Variants in SMAD2 observed in about 807,000 individuals in gnomAD.
The protein encoded by SMAD2 is SMAD family member 2.
In SMAD2, 8 loss-of-function variants were observed where a neutral mutation model predicts 64.4. The observed-to-expected ratio is 0.12, with a 90% CI of 0.07 to 0.22. SMAD2 has a LOEUF of 0.22. SMAD2 is among the 10% of genes least tolerant of loss of function. The probability of loss-of-function intolerance (pLI) is 1.00; values close to 1 mark genes in which losing one functional copy is unlikely to be tolerated. For synonymous variants in SMAD2, 203 were observed against 195.8 expected (o/e 1.04, Z -0.31); for missense variants, 289 against 561.2 (o/e 0.51, Z 4.90).
chr18:47,927,972 G>A (rs1172711197), intron 1 of SMAD2, among the ~76,000 whole-genome samples: 1 of 152,068 alleles, frequency 6.6e-6, no homozygotes, highest in Non-Finnish European at 1.5e-5. Flanking sequence ...AATTCCTTAC[G>A]TTTCACATTT....
intron 1 of SMAD2, among the ~76,000 whole-genome samples, chr18:47,915,145 A>G (rs1200285465): frequency 2.6e-5 from 4 of 152,184 alleles, no homozygotes; most frequent in African/African-American, 7.2e-5. Flanking sequence ...TTGATCAGAC[A>G]TAAGAAATAA....
intron 9 of SMAD2, 31 bp downstream of exon 9, chr18:47,845,632 G>A (rs376176922): frequency 6.2e-7 from 1 of 1,611,864 alleles, no homozygotes; most frequent in Non-Finnish European, 8.5e-7. Flanking sequence ...AAGTTGACAT[G>A]ATAGGTTTAT....
At chr18:47,918,729 C>T (rs533850389) in intron 1 of SMAD2, among the ~76,000 whole-genome samples, 1 of 102,232 alleles carries the variant, frequency 9.8e-6, no homozygotes, top group East Asian at 5.8e-4. Context: ...CTTAACAGCT[C>T]TTGCATAGCT....
intron 2 of SMAD2, among the ~76,000 whole-genome samples, chr18:47,894,582 C>A (rs569784169): frequency 4.1e-4 from 63 of 152,340 alleles, no homozygotes; most frequent in African/African-American, 1.5e-3. Flanking sequence ...ATGAAACAGG[C>A]TTCTCCTAAT....
In SMAD2 at chr18:47,820,915, AC is replaced by A. The variant is rs1369963850; in HGVS notation, c.*20911del. 4.3e-5 allele frequency: 2 copies of A among 46,412 alleles called. No individual in the cohort carries two copies. The highest frequency in any genetic ancestry group is 1.1e-4 in the African/African-American group (2 of 18,402). 2.9% of individuals were successfully genotyped at this position (46,412 alleles called of 1,614,324 possible). On this transcript the variant is annotated 3_prime_UTR_variant, in exon 11 of 11. Coordinates refer to ENST00000262160, the MANE Select transcript of SMAD2 (RefSeq NM_005901.6). ...GCACTATACACACACACACACACACACACACACACACACACACACACACACA... is the reference window on the plus strand; with the variant it reads ...GCACTATACACACACACACACACACAACACACACACACACACACACACACA...
In SMAD2 at chr18:47,907,126, T is replaced by C. The variant is rs570505945; in HGVS notation, c.-53-10317A>G. Among the ~76,000 whole-genome samples the C allele has an allele frequency of 8.3e-3, 1,271 of 152,238 alleles. 6 individuals are homozygous for C. The highest frequency in any genetic ancestry group is 0.012 in the Non-Finnish European group (818 of 68,012). ...AAGTATAAAATGGTATATAGCACAA[T>C]TGGAAAACCGGCAAGTTCCAAAAAG... On this transcript the variant is annotated intron_variant, in intron 1 of 10. Coordinates refer to ENST00000262160, the MANE Select transcript of SMAD2 (RefSeq NM_005901.6).
intron 2 of SMAD2, among the ~76,000 whole-genome samples, chr18:47,886,570 C>CATCTATCCATCT (rs1555655793): frequency 5.4e-4 from 79 of 146,802 alleles, no homozygotes; most frequent in African/African-American, 1.9e-3. Context: ...TATATCTATC[C>CATCTATCCATCT]ATCTATCTAT....
rs2144372568 is a variant in SMAD2 at position 47,868,322 on chromosome 18, C to G, written c.655+1G>C. 2 of 1,612,612 alleles carry G rather than the reference C, an allele frequency of 1.2e-6. No homozygotes were observed. Among genetic ancestry groups the G allele is most frequent in the Non-Finnish European group, 1.7e-6 (2 of 1,179,076 alleles). On this transcript the variant is annotated splice_donor_variant, in intron 5 of 10. Transcript: ENST00000262160. LOFTEE classifies it high-confidence loss of function. ...TTAGGAGATTCAGAAGGCAAAAATA[C>G]CTGGAATATAATTACTCTGTGGCTC...
rs1030689657 is a variant in SMAD2 at position 47,881,802 on chromosome 18, CA to C, written c.237-11239del. 5.0e-4 allele frequency among the ~76,000 whole-genome samples: 76 copies of C among 152,250 alleles called. 1 individual carries two copies. Among genetic ancestry groups the C allele is most frequent in the Middle Eastern group, 3.4e-3 (1 of 294 alleles). On this transcript the variant is annotated intron_variant, in intron 2 of 10. Coordinates refer to ENST00000262160, the MANE Select transcript of SMAD2 (RefSeq NM_005901.6). ...ATCATGAATGGATGATGAATTTTGT[CA>C]AATGCTTTTGACCAAGTGAGGTGAT...
rs531002987 is a variant in SMAD2, at chr18:47,831,237, C to T, written c.*10590G>A. On this transcript the variant is annotated 3_prime_UTR_variant, in exon 11 of 11. Coordinates refer to ENST00000262160, the MANE Select transcript of SMAD2 (RefSeq NM_005901.6). ...TTTCTGCTCACCATATAAGCAGTAG[C>T]TCAATAACACCGTCCAGTTTTCATG... 6.6e-6 allele frequency: 1 copy of T among 152,340 alleles called. No homozygotes were observed. The highest frequency in any genetic ancestry group is 2.1e-4 in the South Asian group (1 of 4,828). 9.4% of individuals were successfully genotyped at this position (152,340 alleles called of 1,614,324 possible).
intron 5 of SMAD2, among the ~76,000 whole-genome samples, chr18:47,865,526 T>C (rs2031492943): frequency 6.6e-6 from 1 of 152,208 alleles, no homozygotes; most frequent in African/African-American, 2.4e-5. Flanking sequence ...CGTTATTTTA[T>C]GAGTACTTAG....
At chr18:47,868,609 C>G in intron 4 of SMAD2, 152 bp from the exon 5 acceptor site, 1 of 648,420 alleles carries the variant, frequency 1.5e-6, no homozygotes, top group Admixed American at 2.5e-5. Flanking sequence ...GAGAAAATGA[C>G]AAATCTGATT....
intron 3 of SMAD2, among the ~76,000 whole-genome samples, chr18:47,869,859 C>T (rs1173441141): frequency 6.6e-6 from 1 of 151,940 alleles, no homozygotes; most frequent in African/African-American, 2.4e-5. Context: ...TGATAAATAC[C>T]AACAATGATG....
chr18:47,850,642 T>TAA (rs1915344954), intron 7 of SMAD2, among the ~76,000 whole-genome samples: 2 of 50,384 alleles, frequency 4.0e-5, no homozygotes, highest in African/African-American at 1.9e-4. Context: ...ATTATATATA[T>TAA]TATGTATAAT....
chr18:47,922,502 G>C (rs1395574601), intron 1 of SMAD2: 1 of 152,180 alleles, frequency 6.6e-6, no homozygotes, highest in African/African-American at 2.4e-5. Context: ...ATCTAGAGAG[G>C]ATTTAAAGAA....
chr18:47,847,505 T>C (rs1285727915), intron 8 of SMAD2, among the ~76,000 whole-genome samples: 2 of 152,060 alleles, frequency 1.3e-5, no homozygotes, highest in Non-Finnish European at 2.9e-5. Context: ...AAAGAGCTTT[T>C]GTTTATGTGA....
rs1160663782 is a variant in SMAD2, at chr18:47,819,609, T to C, written c.*22218A>G. On this transcript the variant is annotated 3_prime_UTR_variant, in exon 11 of 11. Transcript: ENST00000262160. The stretch of plus-strand genomic sequence containing the variant: ...AGATCACGAGGTCAGGAGATCGAGA[T>C]CACGGTGAAACCTCGTCTCTACTAA... 6.6e-6 allele frequency: 1 copy of C among 151,832 alleles called. No homozygotes were observed. Among genetic ancestry groups the C allele is most frequent in the Non-Finnish European group, 1.5e-5 (1 of 67,964 alleles). 9.4% of individuals were successfully genotyped at this position (151,832 alleles called of 1,614,324 possible).
intron 7 of SMAD2, 77 bp from the exon 8 acceptor site, chr18:47,848,764 A>G: frequency 9.7e-7 from 1 of 1,035,274 alleles, no homozygotes; most frequent in Non-Finnish European, 1.4e-6. Flanking sequence ...GATTTAATAT[A>G]ATCATCTTTA....
At position 47,821,420 on chromosome 18, in the gene SMAD2, C is replaced by G. The variant is rs1377535627; in HGVS notation, c.*20407G>C. The G allele has an allele frequency of 6.6e-6, 1 of 152,216 alleles. No individual in the cohort carries two copies. The highest frequency in any genetic ancestry group is 2.4e-5 in the African/African-American group (1 of 41,454). 9.4% of individuals were successfully genotyped at this position (152,216 alleles called of 1,614,324 possible). A position where few individuals can be genotyped will look rare whatever the true frequency, so the allele number is the denominator to read the frequency against. Reference sequence around the variant, plus strand: ...AGGCCTAGAAAAGCAATGTTTTCCTCCAGTATAACTTGATTCTGAATTCTT... The same window carrying G: ...AGGCCTAGAAAAGCAATGTTTTCCTGCAGTATAACTTGATTCTGAATTCTT... On this transcript the variant is annotated 3_prime_UTR_variant, in exon 11 of 11. Coordinates refer to ENST00000262160, the MANE Select transcript of SMAD2 (RefSeq NM_005901.6).
Sources: allele counts gnomAD v4.1 joint callset (sites outside exome capture counted in the v4.1 genomes callset), GRCh38; gene constraint gnomAD v4.1.1; transcripts MANE v1.5; gene names NCBI Gene and HGNC (gene_info 2026-07-23, HGNC 2026-07-21).